The following SCLY variants were observed in gnomAD, a reference collection of about 807,000 sequenced individuals.
The protein encoded by SCLY is putative selenocysteine lyase.
Under a neutral mutation model 50.1 loss-of-function variants are expected in SCLY, and 38 were observed. That is an observed-to-expected ratio of 0.76 (90% CI 0.59 to 0.99). SCLY has a LOEUF of 0.99. Among genes scored for constraint, SCLY ranks in the 50% least tolerant of loss-of-function variants. The pLI is 0.00. For synonymous variants in SCLY, 243 were observed against 249.4 expected, an observed-to-expected ratio of 0.97 and a Z score of 0.24; for missense variants, 600 against 620.0, an observed-to-expected ratio of 0.97 and a Z score of 0.34.
At chr2:238,070,980 C>T (rs2592585) in intron 4 of SCLY, among the ~76,000 whole-genome samples, 23,171 of 151,800 alleles carry the variant, frequency 0.15, 1,861 homozygotes, top group South Asian at 0.27. Flanking sequence ...TACAGGCACA[C>T]GCCACCATGC....
intron 4 of SCLY, among the ~76,000 whole-genome samples, chr2:238,070,988 T>C (rs1020145401): frequency 2.0e-5 from 3 of 151,998 alleles, no homozygotes; most frequent in African/African-American, 7.2e-5. Context: ...CACGCCACCA[T>C]GCCCGGCTGA....
chr2:238,081,975 C>G, intron 5 of SCLY, 70 bp from the exon 6 acceptor site: 1 of 1,582,858 alleles, frequency 6.3e-7, no homozygotes, highest in South Asian at 1.1e-5. Flanking sequence ...GCGCTCACTA[C>G]TCCTGATTTC....
intron 4 of SCLY, among the ~76,000 whole-genome samples, chr2:238,072,675 A>G (rs552755430): frequency 3.3e-5 from 5 of 152,286 alleles, no homozygotes; most frequent in Admixed American, 6.5e-5. Flanking sequence ...CCATTTGTAT[A>G]TATCTTCTTT....
In SCLY at chr2:238,069,681, C is replaced by T. The variant is rs2065108988; in HGVS notation, c.484+204C>T. On this transcript the variant is annotated intron_variant, in intron 4 of 11. Transcript: ENST00000254663. The surrounding 1 kb of genome is among the most constrained non-coding windows in gnomAD (Gnocchi z 5.0). Reference sequence around the variant, plus strand: ...CTCACTGCACTGGGCTCCCTGGCTGCCCCTCTCGGTGCAGAGGCCAGCTGC... The same window carrying T: ...CTCACTGCACTGGGCTCCCTGGCTGTCCCTCTCGGTGCAGAGGCCAGCTGC... 1 of 483,244 alleles carries T rather than the reference C, an allele frequency of 2.1e-6. No homozygotes were observed. Among genetic ancestry groups the T allele is most frequent in the Non-Finnish European group, 3.5e-6 (1 of 282,332 alleles). 29.9% of individuals were successfully genotyped at this position (483,244 alleles called of 1,614,324 possible).
chr2:238,079,068 C>CTTTTTTTTTTTTT (rs59238768), intron 4 of SCLY: 5 of 93,186 alleles, frequency 5.4e-5, no homozygotes, highest in Admixed American at 1.5e-4. Flanking sequence ...CTTTCTTTTT[C>CTTTTTTTTTTTTT]TTTTTTTTTT....
chr2:238,076,588 G>T (rs2065176688), intron 4 of SCLY, among the ~76,000 whole-genome samples: 1 of 150,676 alleles, frequency 6.6e-6, no homozygotes. Context: ...AAGGCCGCAG[G>T]GTCCTCTGCC....
intron 4 of SCLY, chr2:238,079,068 C>CTTTTTTTTTTT (rs59238768): frequency 4.0e-4 from 37 of 93,182 alleles, no homozygotes; most frequent in Admixed American, 6.0e-4. Flanking sequence ...CTTTCTTTTT[C>CTTTTTTTTTTT]TTTTTTTTTT....
At chr2:238,068,296 C>T in intron 3 of SCLY, 131 bp downstream of exon 3, 1 of 700,716 alleles carries the variant, frequency 1.4e-6, no homozygotes, top group Non-Finnish European at 2.3e-6. Flanking sequence ...TGCCTGTAAT[C>T]CCAGTACTTT....
chr2:238,068,699 G>A (rs1199572332), intron 3 of SCLY, among the ~76,000 whole-genome samples: 1 of 152,190 alleles, frequency 6.6e-6, no homozygotes, highest in African/African-American at 2.4e-5. Context: ...TTTCCATAAA[G>A]GTTTCCCCGT....
At position 238,083,450 on chromosome 2, in the gene SCLY, G is replaced by A. The variant is rs972852611; in HGVS notation, c.884+96G>A. 62 of 921,406 alleles carry A rather than the reference G, an allele frequency of 6.7e-5. No homozygotes were observed. The highest frequency in any genetic ancestry group is 9.8e-5 in the Non-Finnish European group (55 of 561,218). 57.1% of individuals were successfully genotyped at this position (921,406 alleles called of 1,614,324 possible). A position where few individuals can be genotyped will look rare whatever the true frequency, so the allele number is the denominator to read the frequency against. On this transcript the variant is annotated intron_variant, in intron 7 of 11. Transcript: ENST00000254663. The surrounding 1 kb of genome is among the most constrained non-coding windows in gnomAD (Gnocchi z 4.3). ...AAACATGGCGCTGTTTCTTGGTCTC[G>A]TGGAGGCTCTGTAGCATGTCCACAC...
At chr2:238,070,367 T>C (rs954424437) in intron 4 of SCLY, among the ~76,000 whole-genome samples, 3 of 152,192 alleles carry the variant, frequency 2.0e-5, no homozygotes, top group African/African-American at 7.2e-5. Context: ...GGTTTGACTA[T>C]GAAGCCTTTT....
chr2:238,091,122 T>G, intron 7 of SCLY, 96 bp from the exon 8 acceptor site: 3 of 1,140,766 alleles, frequency 2.6e-6, no homozygotes, highest in Non-Finnish European at 4.0e-6. Context: ...AGATGTAGCG[T>G]GAGTTTGATT....
At chr2:238,075,995 C>T (rs2065169190) in intron 4 of SCLY, among the ~76,000 whole-genome samples, 1 of 150,826 alleles carries the variant, frequency 6.6e-6, no homozygotes, top group Non-Finnish European at 1.5e-5. Flanking sequence ...TAATGGAACA[C>T]CAGGCATAAA....
chr2:238,068,314 C>A, intron 3 of SCLY, 149 bp downstream of exon 3: 3 of 576,506 alleles, frequency 5.2e-6, no homozygotes, highest in South Asian at 2.6e-5. Context: ...TTTGGGAGGC[C>A]AAGGCAGGAG....
intron 8 of SCLY, chr2:238,091,550 C>T: frequency 1.7e-4 from 71 of 408,390 alleles, no homozygotes; most frequent in Admixed American, 3.4e-4. Context: ...GCAGGTTCAC[C>T]ATTCCCAAAG....
Position 238,082,027 on chromosome 2 carries a change from G to C in SCLY, c.613-18G>C, listed in dbSNP as rs2065243084. 6.2e-7 allele frequency: 1 copy of C among 1,607,676 alleles called. No individual in the cohort carries two copies. Among genetic ancestry groups the C allele is most frequent in the Non-Finnish European group, 8.5e-7 (1 of 1,174,928 alleles). On this transcript the variant is annotated intron_variant, in intron 5 of 11. Transcript: ENST00000254663. The stretch of plus-strand genomic sequence containing the variant: ...TCAGATCGGAGCAACATACTCAACT[G>C]TTTCCTTTCCCCGTCAGCCTGTCCC...
At chr2:238,086,728 AG>A (rs1255732043) in intron 7 of SCLY, among the ~76,000 whole-genome samples, 4 of 148,756 alleles carry the variant, frequency 2.7e-5, no homozygotes, top group Non-Finnish European at 4.5e-5. Context: ...AAAAAAAAAA[AG>A]ACAATATTGG....
intron 4 of SCLY, among the ~76,000 whole-genome samples, chr2:238,076,327 A>G (rs1212183496): frequency 6.6e-6 from 1 of 152,138 alleles, no homozygotes; most frequent in African/African-American, 2.4e-5. Context: ...CCTGAACTCA[A>G]GTGACCCACC....
Position 238,082,154 on chromosome 2 carries a change from A to T in SCLY, c.722A>T (p.Gln241Leu), listed in dbSNP as rs759664845. 4.3e-6 allele frequency: 7 copies of T among 1,612,518 alleles called. No homozygotes were observed. The highest frequency in any genetic ancestry group is 5.9e-6 in the Non-Finnish European group (7 of 1,179,874). The part of the protein sequence containing the change: ...HTDAAQALGK[Q>L]RVDVEDLGVD... ...GATGCTGCACAGGCCTTGGGGAAGCAGCGCGTGGATGTGGAGGACCTGGGC... is the reference window on the plus strand; with the variant it reads ...GATGCTGCACAGGCCTTGGGGAAGCTGCGCGTGGATGTGGAGGACCTGGGC... Residue 241 changes from glutamine to leucine, a missense_variant, in exon 6 of 12, where the codon CAG becomes CTG. Gln to Leu is a moderately radical substitution (Grantham distance 113). Coordinates refer to ENST00000254663, the MANE Select transcript of SCLY (RefSeq NM_016510.7).
Sources: gnomAD v4.1 joint callset for allele counts (sites outside exome capture counted in the v4.1 genomes callset) on GRCh38, gnomAD v4.1.1 for gene constraint, Gnocchi (gnomAD v3.1) non-coding constraint, MANE v1.5 for transcripts, NCBI Gene and HGNC (gene_info 2026-07-23, HGNC 2026-07-21) for gene names.